TRPM3: variants seen among roughly 807,000 people sequenced by gnomAD.
TRPM3 encodes transient receptor potential cation channel subfamily M member 3.
Under a neutral mutation model 181.2 loss-of-function variants are expected in TRPM3, and 77 were observed. The observed-to-expected ratio is 0.42, with a 90% CI of 0.35 to 0.51. The LOEUF is 0.51. TRPM3 is among the 20% of genes least tolerant of loss of function. The pLI, the probability that TRPM3 is intolerant of heterozygous loss-of-function variation, is 0.01. For synonymous variants in TRPM3, 745 were observed against 796.4 expected, an observed-to-expected ratio of 0.94 and a Z score of 1.09; for missense variants, 1,759 against 2,196.7, an observed-to-expected ratio of 0.80 and a Z score of 3.98.
chr9:70,531,934 C>T lies in TRPM3; in HGVS notation c.*4019G>A, dbSNP rs1301977878. The T allele has an allele frequency of 6.7e-6, 1 of 150,246 alleles. No individual in the cohort carries two copies. Among genetic ancestry groups the T allele is most frequent in the Non-Finnish European group, 1.5e-5 (1 of 67,342 alleles). 9.3% of individuals were successfully genotyped at this position (150,246 alleles called of 1,614,324 possible). A position where few individuals can be genotyped will look rare whatever the true frequency, so the allele number is the denominator to read the frequency against. ...CCCGGTTCACAAAGATGCTAAATAA[C>T]ATGGAATTGGGAACATAATTAATCA... is the stretch of plus-strand genomic sequence containing the variant. On this transcript the variant is annotated 3_prime_UTR_variant, in exon 26 of 26. Transcript: ENST00000677713.
intron 8 of TRPM3, among the ~76,000 whole-genome samples, chr9:70,742,304 T>C (rs977170991): frequency 6.6e-6 from 1 of 152,050 alleles, no homozygotes; most frequent in Non-Finnish European, 1.5e-5. Context: ...ACAATGAAAA[T>C]TTTTTTAAAA....
intron 1 of TRPM3, among the ~76,000 whole-genome samples, chr9:70,945,799 A>G (rs1037337860): frequency 6.6e-6 from 1 of 152,170 alleles, no homozygotes; most frequent in African/African-American, 2.4e-5. Context: ...AATGTAGGGA[A>G]GTTCTGTACT....
intron 12 of TRPM3, among the ~76,000 whole-genome samples, chr9:70,628,733 C>T (rs746953487): frequency 6.8e-6 from 1 of 146,094 alleles, no homozygotes; most frequent in East Asian, 2.2e-4. Flanking sequence ...GAGGCAGAAT[C>T]GCTTGAACCC....
chr9:71,389,306 C>T (rs1362023362), intron 1 of TRPM3, among the ~76,000 whole-genome samples: 3 of 151,326 alleles, frequency 2.0e-5, no homozygotes, highest in Non-Finnish European at 2.9e-5. Flanking sequence ...GTATGAATGG[C>T]CATAATTAAA....
In TRPM3 at chr9:70,556,154, T is replaced by A. The variant is rs566335184; in HGVS notation, c.3224-2844A>T. ...GGACTTTCAGAAAGTGCCATCAACA[T>A]ATTTCCAGGTCTCTGCTGAGTTCCT... is the stretch of plus-strand genomic sequence containing the variant. On this transcript the variant is annotated intron_variant, in intron 22 of 25. Coordinates refer to ENST00000677713, the MANE Select transcript of TRPM3 (RefSeq NM_001366145.2). Among the ~76,000 whole-genome samples the A allele has an allele frequency of 5.9e-5, 9 of 152,180 alleles. No homozygotes were observed. The East Asian group carries it at 1.7e-3, about 29-fold the overall frequency.
At chr9:70,856,163 A>T (rs1451497629) in intron 3 of TRPM3, among the ~76,000 whole-genome samples, 1 of 152,208 alleles carries the variant, frequency 6.6e-6, no homozygotes, top group Non-Finnish European at 1.5e-5. Context: ...AGACGCAAAG[A>T]TAGGATGGTT....
intron 1 of TRPM3, among the ~76,000 whole-genome samples, chr9:70,868,208 G>T (rs1052071313): frequency 2.6e-5 from 4 of 151,952 alleles, no homozygotes; most frequent in African/African-American, 9.7e-5. Flanking sequence ...GTTTGTGAAG[G>T]GCTGGTTATT....
At chr9:70,779,103 C>T (rs1173094576) in intron 7 of TRPM3, among the ~76,000 whole-genome samples, 1 of 152,082 alleles carries the variant, frequency 6.6e-6, no homozygotes, top group African/African-American at 2.4e-5. Context: ...ATTAAACATC[C>T]TTTAAACAGG....
intron 1 of TRPM3, among the ~76,000 whole-genome samples, chr9:71,255,930 A>C (rs2082644299): frequency 6.6e-6 from 1 of 152,174 alleles, no homozygotes; most frequent in South Asian, 2.1e-4. Flanking sequence ...AAAATGAATG[A>C]TCTACAGCCA....
intron 1 of TRPM3, among the ~76,000 whole-genome samples, chr9:71,076,317 A>G (rs1469726327): frequency 1.3e-5 from 2 of 152,228 alleles, no homozygotes; most frequent in African/African-American, 4.8e-5. Context: ...TCAAACATTT[A>G]CTAGCATATT....
chr9:71,377,111 C>T lies in TRPM3; in HGVS notation c.183+69542G>A, dbSNP rs538417404. On this transcript the variant is annotated intron_variant, in intron 1 of 24. Transcript: ENST00000357533. ...ATGTAGAATAAACGGTAAAACTGAA[C>T]AAACTTTTTGGAGATGCCGAATTAT... is the stretch of plus-strand genomic sequence containing the variant. 1.3e-3 allele frequency among the ~76,000 whole-genome samples: 203 copies of T among 152,194 alleles called. 1 individual carries two copies. The highest frequency in any genetic ancestry group is 4.6e-3 in the African/African-American group (193 of 41,560).
At chr9:70,879,376 A>G (rs1325342932) in intron 1 of TRPM3, among the ~76,000 whole-genome samples, 1 of 152,084 alleles carries the variant, frequency 6.6e-6, no homozygotes, top group African/African-American at 2.4e-5. Context: ...TCAGAGAGGT[A>G]GTTGCAAATT....
rs7852944 is a variant in TRPM3, at chr9:71,293,079, T to G, written c.183+153574A>C. On this transcript the variant is annotated intron_variant, in intron 1 of 24. Transcript: ENST00000357533. ...TCATCTCAATATATTTGGTAAAAAGTGTTCTTTAACATTCAGCATCACTTC... is the reference window on the plus strand; with the variant it reads ...TCATCTCAATATATTTGGTAAAAAGGGTTCTTTAACATTCAGCATCACTTC... 7.4e-3 allele frequency among the ~76,000 whole-genome samples: 1,126 copies of G among 152,068 alleles called. 13 individuals carry two copies. The highest frequency in any genetic ancestry group is 0.026 in the African/African-American group (1,077 of 41,556).
At chr9:70,582,203 T>C (rs1375437601) in intron 22 of TRPM3, among the ~76,000 whole-genome samples, 1 of 151,962 alleles carries the variant, frequency 6.6e-6, no homozygotes, top group Admixed American at 6.6e-5. Context: ...TGTGTGTGTG[T>C]GTGTGTGTCA....
chr9:71,073,678 T>C (rs1400214660), intron 1 of TRPM3, among the ~76,000 whole-genome samples: 1 of 152,186 alleles, frequency 6.6e-6, no homozygotes, highest in Admixed American at 6.5e-5. Context: ...AAATGTTATT[T>C]CTTGCATTGC....
At chr9:70,657,373 C>G (rs2060511115) in intron 9 of TRPM3, among the ~76,000 whole-genome samples, 1 of 151,820 alleles carries the variant, frequency 6.6e-6, no homozygotes, top group Admixed American at 6.6e-5. Flanking sequence ...CCACGAAATA[C>G]TAACAACTCA....
chr9:71,306,798 T>TG, intron 1 of TRPM3, among the ~76,000 whole-genome samples: 1 of 151,632 alleles, frequency 6.6e-6, no homozygotes. Context: ...CGCTTGAACC[T>TG]GGGGGTGGAG....
At chr9:70,893,650 G>A (rs2096243372) in intron 1 of TRPM3, among the ~76,000 whole-genome samples, 1 of 150,508 alleles carries the variant, frequency 6.6e-6, no homozygotes, top group Non-Finnish European at 1.5e-5. Flanking sequence ...CTACTGAAAA[G>A]GGAAAACTGT....
At chr9:71,172,758 C>T (rs568532597) in intron 1 of TRPM3, among the ~76,000 whole-genome samples, 2 of 152,228 alleles carry the variant, frequency 1.3e-5, no homozygotes, top group East Asian at 3.9e-4. Flanking sequence ...GAAAAATCTC[C>T]AAACAGAATA....
Sources: gnomAD v4.1 joint callset for allele counts (sites outside exome capture counted in the v4.1 genomes callset) on GRCh38, gnomAD v4.1.1 for gene constraint, MANE v1.5 for transcripts, NCBI Gene and HGNC (gene_info 2026-07-23, HGNC 2026-07-21) for gene names.